TENM2: variants seen among roughly 807,000 people sequenced by gnomAD.
TENM2 encodes teneurin-2.
TENM2 carries 52 observed loss-of-function variants against 245.2 expected under a neutral mutation model. That is an observed-to-expected ratio of 0.21 (90% CI 0.17 to 0.27). TENM2 has a LOEUF of 0.27. TENM2 is among the 10% of genes least tolerant of loss of function. The pLI is 1.00. For missense variants in TENM2, 3,046 were observed against 3,666.8 expected (o/e 0.83, Z 4.37); for synonymous variants, 1,363 against 1,438.9 (o/e 0.95, Z 1.19).
intron 4 of TENM2, among the ~76,000 whole-genome samples, chr5:167,963,685 C>T (rs1781178316): frequency 6.6e-6 from 1 of 152,204 alleles, no homozygotes; most frequent in Non-Finnish European, 1.5e-5. Context: ...CAGTGTGTCT[C>T]CTTAGACCAG....
intron 2 of TENM2, among the ~76,000 whole-genome samples, chr5:167,735,893 C>T (rs2150573200): frequency 6.6e-6 from 1 of 152,324 alleles, no homozygotes; most frequent in South Asian, 2.1e-4. Flanking sequence ...GTACACCCAA[C>T]TAAGTGCCAT....
At position 167,356,217 on chromosome 5, in the gene TENM2, A is replaced by AAAAAAAAAAGAAAAATT. The variant is rs1759321624; in HGVS notation, c.227-18977_227-18976insAAAAAGAAAAATTAAAA. On this transcript the variant is annotated intron_variant, in intron 1 of 28. Transcript: ENST00000518659. ...AAAAAAAAAAAAAAAAAAAAAAAAA[A>AAAAAAAAAAGAAAAATT]AAAATTAAAATTAAAAAAAAGGCAG... 1.2e-4 allele frequency among the ~76,000 whole-genome samples: 16 copies of AAAAAAAAAAGAAAAATT among 129,098 alleles called. 1 individual carries two copies. Among genetic ancestry groups the AAAAAAAAAAGAAAAATT allele is most frequent in the African/African-American group, 5.1e-4 (16 of 31,162 alleles). The allele number at this position is 129,098 out of a possible 152,430, so 84.7% of individuals were successfully genotyped here. A position where few individuals can be genotyped will look rare whatever the true frequency, so the allele number is the denominator to read the frequency against.
chr5:168,144,509 C>T (rs1404066422), intron 12 of TENM2, among the ~76,000 whole-genome samples: 3 of 151,908 alleles, frequency 2.0e-5, no homozygotes, highest in Admixed American at 2.0e-4. Flanking sequence ...AGGACATGAA[C>T]TCATCATTTT....
intron 2 of TENM2, among the ~76,000 whole-genome samples, chr5:167,384,630 A>G (rs890839134): frequency 2.0e-5 from 3 of 152,344 alleles, no homozygotes; most frequent in Admixed American, 2.0e-4. Flanking sequence ...TTGAAAGTTT[A>G]TGTGAGCAAA....
At chr5:167,749,712 T>C (rs1761835057) in intron 2 of TENM2, among the ~76,000 whole-genome samples, 1 of 151,960 alleles carries the variant, frequency 6.6e-6, no homozygotes, top group African/African-American at 2.4e-5. Context: ...CAAGACTGAT[T>C]CCTGGGACCC....
At chr5:168,200,385 T>C (rs1212173935) in intron 17 of TENM2, among the ~76,000 whole-genome samples, 3 of 152,044 alleles carry the variant, frequency 2.0e-5, no homozygotes, top group Non-Finnish European at 4.4e-5. Context: ...ATGATATATA[T>C]TGGGGAGGAG....
At chr5:167,802,386 T>C (rs1439321835) in intron 2 of TENM2, among the ~76,000 whole-genome samples, 1 of 152,164 alleles carries the variant, frequency 6.6e-6, no homozygotes, top group African/African-American at 2.4e-5. Flanking sequence ...CTCCCATGAC[T>C]CAGCCGTAAT....
the TENM2 span, among the ~76,000 whole-genome samples, chr5:167,098,052 T>C: frequency 2.0e-5 from 3 of 152,340 alleles, no homozygotes; most frequent in Non-Finnish European, 4.4e-5. Context: ...AGTCGTGCAT[T>C]TCTATACCAA....
intron 14 of TENM2, 153 bp downstream of exon 16, chr5:168,190,700 C>G: frequency 4.8e-6 from 3 of 621,150 alleles, no homozygotes; most frequent in Non-Finnish European, 8.5e-6. Flanking sequence ...GAGAAGTGCC[C>G]TTTCCTCACT....
intron 6 of TENM2, among the ~76,000 whole-genome samples, chr5:168,058,811 T>C (rs1789786852): frequency 6.6e-6 from 1 of 152,174 alleles, no homozygotes; most frequent in South Asian, 2.1e-4. Context: ...TGTAAGAACT[T>C]AGCAATTATT....
intron 3 of TENM2, among the ~76,000 whole-genome samples, chr5:167,932,628 G>A (rs976736326): frequency 2.0e-5 from 3 of 152,118 alleles, no homozygotes; most frequent in Non-Finnish European, 4.4e-5. Flanking sequence ...ATGAGACAGT[G>A]CCTGTACCTC....
At chr5:167,523,804 T>G (rs1770927572) in intron 2 of TENM2, among the ~76,000 whole-genome samples, 1 of 152,178 alleles carries the variant, frequency 6.6e-6, no homozygotes, top group African/African-American at 2.4e-5. Context: ...CAAATGCAAC[T>G]CTCATAGTTT....
chr5:167,290,808 T>G (rs1157948721), intron 1 of TENM2, among the ~76,000 whole-genome samples: 2 of 152,078 alleles, frequency 1.3e-5, no homozygotes, highest in Non-Finnish European at 2.9e-5. Flanking sequence ...TGCTCTAAGG[T>G]AGTGTCATAG....
intron 7 of TENM2, among the ~76,000 whole-genome samples, chr5:168,070,503 C>T (rs2152121986): frequency 6.6e-6 from 1 of 151,514 alleles, no homozygotes; most frequent in Admixed American, 6.6e-5. Context: ...AACTTTAGGC[C>T]AGCTGTGGTG....
chr5:167,284,962 C>T, exon 1 of TENM2: 1 of 1,551,832 alleles, frequency 6.4e-7, no homozygotes, highest in Non-Finnish European at 8.7e-7. Flanking sequence ...TCCTACAGCT[C>T]CAGTGAGACT....
At chr5:167,727,266 C>T (rs879558750) in intron 2 of TENM2, among the ~76,000 whole-genome samples, 42 of 152,028 alleles carry the variant, frequency 2.8e-4, no homozygotes, top group Non-Finnish European at 5.3e-4. Context: ...CCCGCCACCA[C>T]GCCCGGCTAA....
intron 2 of TENM2, among the ~76,000 whole-genome samples, chr5:167,447,489 T>C (rs906621889): frequency 6.6e-6 from 1 of 152,228 alleles, no homozygotes; most frequent in African/African-American, 2.4e-5. Flanking sequence ...ATTTAACAAT[T>C]TTACTTGATC....
At chr5:168,086,416 T>C (rs1220376611) in intron 7 of TENM2, among the ~76,000 whole-genome samples, 2 of 152,216 alleles carry the variant, frequency 1.3e-5, no homozygotes, top group Non-Finnish European at 2.9e-5. Context: ...GTATGACTGA[T>C]GACTCAAAGG....
chr5:167,367,516 G>A (rs1166053000), intron 1 of TENM2, among the ~76,000 whole-genome samples: 1 of 152,018 alleles, frequency 6.6e-6, no homozygotes, highest in Non-Finnish European at 1.5e-5. Context: ...AACTTTAAAA[G>A]GTCATTAAAA....
Sources: gnomAD v4.1 joint callset for allele counts (sites outside exome capture counted in the v4.1 genomes callset) on GRCh38, gnomAD v4.1.1 for gene constraint, MANE v1.5 for transcripts, NCBI Gene and HGNC (gene_info 2026-07-23, HGNC 2026-07-21) for gene names.